BLOC1S3: variants seen among roughly 807,000 people sequenced by gnomAD.
BLOC1S3 encodes the protein biogenesis of lysosome-related organelles complex 1 subunit 3.
Under a neutral mutation model 9.1 loss-of-function variants are expected in BLOC1S3, and 7 were observed. That is an observed-to-expected ratio of 0.77 (90% confidence interval 0.44 to 1.45). BLOC1S3 has a LOEUF of 1.45. Ranked by LOEUF, BLOC1S3 falls within the 40% of genes most tolerant of loss-of-function variation. The pLI is 0.01. For synonymous variants in BLOC1S3, 145 were observed against 158.4 expected (o/e 0.92, Z 0.64); for missense variants, 307 against 315.2 (o/e 0.97, Z 0.20).
intron 2 of BLOC1S3, among the ~76,000 whole-genome samples, chr19:45,188,549 AATTATTATTATT>A (rs61583899): frequency 3.3e-4 from 47 of 143,334 alleles, no homozygotes; most frequent in South Asian, 1.1e-3. Flanking sequence ...CATTCTTTCT[AATTATTATTATT>A]ATTATTATTA....
At chr19:45,189,796 G>A (rs1199528319) in intron 2 of BLOC1S3, among the ~76,000 whole-genome samples, 1 of 151,906 alleles carries the variant, frequency 6.6e-6, no homozygotes, top group African/African-American at 2.4e-5. Flanking sequence ...TTTGAATACC[G>A]ATATCCTTCT....
Position 45,206,458 on chromosome 19 carries a change from T to TG in BLOC1S3, n.282+3951_282+3952insG, listed in dbSNP as rs1969727511. ...TCTTTTGGATTAATCAAGTTTTTTT[T>TG]TTTTTTTTTTTTTTTGAGCAAGGAT... is the stretch of plus-strand genomic sequence containing the variant. On this transcript the variant is annotated intron_variant and non_coding_transcript_variant, in intron 3 of 3. Coordinates refer to the BLOC1S3 transcript ENST00000591569. 2.5e-5 allele frequency among the ~76,000 whole-genome samples: 3 copies of TG among 122,332 alleles called. No individual in the cohort carries two copies. The South Asian group carries it at 8.0e-4, about 33-fold the overall frequency. The allele number at this position is 122,332 out of a possible 152,430, so 80.3% of individuals were successfully genotyped here.
At chr19:45,195,898 C>T (rs1381186811) in intron 2 of BLOC1S3, among the ~76,000 whole-genome samples, 1 of 152,128 alleles carries the variant, frequency 6.6e-6, no homozygotes, top group Non-Finnish European at 1.5e-5. Flanking sequence ...CCCAGCCTGC[C>T]TTTTTCAAGT....
chr19:45,197,628 C>T (rs960122993), intron 2 of BLOC1S3, among the ~76,000 whole-genome samples: 4 of 151,910 alleles, frequency 2.6e-5, no homozygotes, highest in African/African-American at 7.3e-5. Context: ...GAGTTCAAGA[C>T]CAGCCTGGCC....
chr19:45,188,472 C>CCT (rs1568472450), intron 2 of BLOC1S3, among the ~76,000 whole-genome samples: 1 of 151,846 alleles, frequency 6.6e-6, no homozygotes, highest in African/African-American at 2.4e-5. Context: ...CAGCGCCCGG[C>CCT]TTCTTTTAGT....
At chr19:45,197,206 C>T (rs1257913366) in intron 2 of BLOC1S3, among the ~76,000 whole-genome samples, 3 of 150,698 alleles carry the variant, frequency 2.0e-5, no homozygotes, top group Non-Finnish European at 4.4e-5. Flanking sequence ...AAAAAGAAGT[C>T]CAGGTGCGGT....
chr19:45,213,090 C>A (rs201597405), intron 3 of BLOC1S3: 4 of 1,516,652 alleles, frequency 2.6e-6, no homozygotes, highest in East Asian at 4.7e-5. Flanking sequence ...CCCGAGGTCG[C>A]GCTAGAGACG....
chr19:45,204,503 A>G (rs939751550), intron 3 of BLOC1S3, among the ~76,000 whole-genome samples: 13 of 151,686 alleles, frequency 8.6e-5, no homozygotes, highest in African/African-American at 2.4e-4. Context: ...AAATGAGCCA[A>G]TGATTGGGTG....
At chr19:45,206,356 A>C (rs1969725325) in intron 3 of BLOC1S3, among the ~76,000 whole-genome samples, 1 of 25,384 alleles carries the variant, frequency 3.9e-5, no homozygotes. Flanking sequence ...AAACTCTCAA[A>C]AAAAAAAAAA....
exon 3 of BLOC1S3, chr19:45,202,473 C>A: frequency 1.3e-5 from 2 of 153,964 alleles, no homozygotes; most frequent in South Asian, 3.8e-4. Flanking sequence ...TGCTGATGTT[C>A]ACTCAAGGCC....
At chr19:45,192,559 T>A (rs1969614139) in intron 2 of BLOC1S3, among the ~76,000 whole-genome samples, 1 of 152,160 alleles carries the variant, frequency 6.6e-6, no homozygotes, top group South Asian at 2.1e-4. Context: ...TGTCTCTGAG[T>A]CTCACTCAAG....
At position 45,213,290 on chromosome 19, in the gene BLOC1S3, G is replaced by C. The variant is rs762329905; in HGVS notation, n.283-3386G>C. The C allele has an allele frequency of 3.3e-5, 53 of 1,613,768 alleles. 2 individuals are homozygous for C. In the Admixed American group the frequency reaches 8.0e-4, roughly 24 times the overall value. On this transcript the variant is annotated intron_variant and non_coding_transcript_variant, in intron 3 of 3. Transcript: ENST00000591569. ...AGTTCCAGGTCCCGGGCCACGGCCA[G>C]GATCTCCTGGCGGGCGGCTGTGTTG...
downstream of BLOC1S3, among the ~76,000 whole-genome samples, chr19:45,185,791 C>CG (rs1286701518): frequency 6.6e-6 from 1 of 151,540 alleles, no homozygotes; most frequent in Non-Finnish European, 1.5e-5. Context: ...AGGAGAGAGG[C>CG]AGGGACGAGT....
intron 3 of BLOC1S3, among the ~76,000 whole-genome samples, chr19:45,203,423 G>A (rs1036252792): frequency 3.3e-5 from 5 of 152,200 alleles, no homozygotes; most frequent in East Asian, 3.9e-4. Flanking sequence ...ACAGGCGTGC[G>A]CCACCATTCC....
chr19:45,216,312 A>C, intron 3 of BLOC1S3: 5 of 1,392,748 alleles, frequency 3.6e-6, no homozygotes, highest in Non-Finnish European at 4.8e-6. Flanking sequence ...GTGGTGGCTC[A>C]AGCCTGTAAT....
Position 45,180,648 on chromosome 19 carries a change from C to G in BLOC1S3, c.*743C>G, listed in dbSNP as rs1969507659. 6.0e-6 allele frequency: 1 copy of G among 167,324 alleles called. No homozygotes were observed. Among genetic ancestry groups the G allele is most frequent in the Admixed American group, 6.5e-5 (1 of 15,296 alleles). The allele number at this position is 167,324 out of a possible 1,614,324, so 10.4% of individuals were successfully genotyped here. On this transcript the variant is annotated 3_prime_UTR_variant, in exon 2 of 2. Coordinates refer to ENST00000433642, the MANE Select transcript of BLOC1S3 (RefSeq NM_212550.5). ...AAGAACCCAGGATGTGGCACAGCTT[C>G]CCTGCCGTCTTCCTTCACTCAGTTG...
chr19:45,201,194 C>G (rs1969688115), intron 2 of BLOC1S3, among the ~76,000 whole-genome samples: 1 of 138,702 alleles, frequency 7.2e-6, no homozygotes, highest in African/African-American at 2.7e-5. Flanking sequence ...CAGAGTAAGA[C>G]CCTGTCTCAA....
chr19:45,179,387 G>C lies in BLOC1S3; in HGVS notation c.91G>C (p.Ala31Pro). 1 of 1,580,050 alleles carries C rather than the reference G, an allele frequency of 6.3e-7. No homozygotes were observed. Among genetic ancestry groups the C allele is most frequent in the East Asian group, 2.3e-5 (1 of 43,088 alleles). The part of the protein sequence containing the change: ...EATETDSERS[A>P]SSSEEEELYL... ...GACCGAGACGGATTCCGAGCGCTCT[G>C]CGTCCTCGTCGGAGGAGGAGGAGCT... is the stretch of plus-strand genomic sequence containing the variant. Residue 31 changes from alanine to proline, a missense_variant, in exon 2 of 2, where the codon GCG (alanine) becomes CCG (proline). Physicochemically the swap from Ala to Pro is conservative, Grantham distance 27. Coordinates refer to ENST00000433642, the MANE Select transcript of BLOC1S3 (RefSeq NM_212550.5). The surrounding 1 kb of genome is among the most constrained non-coding windows in gnomAD (Gnocchi z 4.6).
intron 2 of BLOC1S3, among the ~76,000 whole-genome samples, chr19:45,196,550 T>C (rs946610317): frequency 1.3e-5 from 2 of 151,846 alleles, no homozygotes; most frequent in East Asian, 3.9e-4. Context: ...GGGAGTGAAT[T>C]TGATGAGCAG....
Sources: gnomAD v4.1 joint callset for allele counts (sites outside exome capture counted in the v4.1 genomes callset) on GRCh38, gnomAD v4.1.1 for gene constraint, Gnocchi (gnomAD v3.1) non-coding constraint, MANE v1.5 for transcripts, NCBI Gene and HGNC (gene_info 2026-07-23, HGNC 2026-07-21) for gene names.